CNTN4: variants seen among roughly 807,000 people sequenced by gnomAD.
CNTN4 encodes contactin-4.
A neutral mutation model predicts 122.5 loss-of-function variants in CNTN4; 77 were observed. The observed-to-expected ratio is 0.63, with a 90% CI of 0.52 to 0.76. CNTN4 has a LOEUF of 0.76. Ranked by LOEUF, CNTN4 falls within the 30% of genes least tolerant of loss-of-function variation. The pLI is 0.00. For synonymous variants in CNTN4, 512 were observed against 447.0 expected, an observed-to-expected ratio of 1.15 and a Z score of -1.83; for missense variants, 1,256 against 1,259.1, an observed-to-expected ratio of 1.00 and a Z score of 0.04.
At chr3:2,849,997 T>A (rs1237401771) in intron 7 of CNTN4, among the ~76,000 whole-genome samples, 1 of 151,248 alleles carries the variant, frequency 6.6e-6, no homozygotes, top group East Asian at 1.9e-4. Context: ...TTTTTTTTCT[T>A]TTTTTTTTCT....
intron 13 of CNTN4, among the ~76,000 whole-genome samples, chr3:2,959,324 A>G (rs942780677): frequency 8.5e-5 from 13 of 152,186 alleles, no homozygotes; most frequent in African/African-American, 2.9e-4. Flanking sequence ...AAGGCAGTCT[A>G]TTTCCAGTTT....
chr3:2,250,843 A>G (rs756677903), intron 2 of CNTN4, among the ~76,000 whole-genome samples: 2 of 151,898 alleles, frequency 1.3e-5, no homozygotes, highest in South Asian at 2.1e-4. Context: ...AATGATCAAT[A>G]TAATACCTAG....
intron 2 of CNTN4, among the ~76,000 whole-genome samples, chr3:2,220,392 A>C (rs892004157): frequency 6.6e-6 from 1 of 152,140 alleles, no homozygotes; most frequent in African/African-American, 2.4e-5. Flanking sequence ...TACCTTATTC[A>C]TAATATGTTT....
At chr3:2,991,026 G>A (rs1695006334) in intron 14 of CNTN4, among the ~76,000 whole-genome samples, 2 of 152,138 alleles carry the variant, frequency 1.3e-5, no homozygotes, top group Admixed American at 6.5e-5. Flanking sequence ...AATATGCATT[G>A]TTATAGGAGG....
At chr3:2,980,257 T>C (rs548971022) in intron 13 of CNTN4, among the ~76,000 whole-genome samples, 32 of 152,324 alleles carry the variant, frequency 2.1e-4, no homozygotes, top group African/African-American at 6.0e-4. Flanking sequence ...CCTCTTTTCA[T>C]GTAGGGAAAA....
intron 2 of CNTN4, among the ~76,000 whole-genome samples, chr3:2,189,742 T>C (rs1004392772): frequency 1.5e-4 from 10 of 67,176 alleles, no homozygotes; most frequent in Admixed American, 7.3e-4. Flanking sequence ...TCCTATGTTA[T>C]TCATTTTTTT....
chr3:3,044,987 G>T (rs1700499060), intron 23 of CNTN4, among the ~76,000 whole-genome samples: 1 of 152,176 alleles, frequency 6.6e-6, no homozygotes, highest in South Asian at 2.1e-4. Flanking sequence ...ATGGCTCAGA[G>T]GGTCCCATGC....
chr3:2,885,964 C>T (rs1291767070), intron 9 of CNTN4, among the ~76,000 whole-genome samples: 5 of 152,154 alleles, frequency 3.3e-5, no homozygotes, highest in African/African-American at 1.2e-4. Flanking sequence ...CGTAGGACAG[C>T]TCAGGGCTGC....
At chr3:2,600,048 T>A (rs2080964238) in intron 4 of CNTN4, among the ~76,000 whole-genome samples, 1 of 140,582 alleles carries the variant, frequency 7.1e-6, no homozygotes. Flanking sequence ...CAAAACATTC[T>A]TTATTTGGTC....
intron 5 of CNTN4, among the ~76,000 whole-genome samples, chr3:2,742,433 C>T (rs1379038761): frequency 2.0e-5 from 3 of 152,134 alleles, no homozygotes; most frequent in Admixed American, 6.5e-5. Context: ...CTCACTTGGT[C>T]GGAGTACTTT....
chr3:2,253,740 C>T (rs1477879918), intron 2 of CNTN4, among the ~76,000 whole-genome samples: 1 of 151,916 alleles, frequency 6.6e-6, no homozygotes, highest in Non-Finnish European at 1.5e-5. Context: ...CTCCTGGACT[C>T]GATCTATCCT....
chr3:2,555,719 T>C (rs1015183630), intron 3 of CNTN4, among the ~76,000 whole-genome samples: 2 of 152,174 alleles, frequency 1.3e-5, no homozygotes, highest in African/African-American at 2.4e-5. Flanking sequence ...AACTCTAATA[T>C]AGATTTATGC....
At chr3:2,523,603 T>C (rs569104250) in intron 3 of CNTN4, among the ~76,000 whole-genome samples, 83 of 152,120 alleles carry the variant, frequency 5.5e-4, no homozygotes, top group African/African-American at 2.0e-3. Context: ...ACCTTGGCTT[T>C]GAACTTGAAA....
chr3:3,049,440 G>A (rs997319207), intron 23 of CNTN4, among the ~76,000 whole-genome samples: 10 of 152,108 alleles, frequency 6.6e-5, no homozygotes, highest in African/African-American at 2.4e-4. Flanking sequence ...CTAGTTTTAC[G>A]GATGAAGAGC....
chr3:2,519,022 C>T (rs929977038), intron 3 of CNTN4, among the ~76,000 whole-genome samples: 13 of 152,206 alleles, frequency 8.5e-5, no homozygotes, highest in Admixed American at 2.0e-4. Context: ...GTTATTTTAA[C>T]AAGATCTGTT....
intron 3 of CNTN4, among the ~76,000 whole-genome samples, chr3:2,527,009 A>G (rs1381012383): frequency 1.3e-5 from 2 of 152,136 alleles, no homozygotes; most frequent in Non-Finnish European, 2.9e-5. Context: ...TGGACTTTGG[A>G]TACTTTCTCA....
chr3:2,388,930 G>C (rs1027034339), intron 3 of CNTN4, among the ~76,000 whole-genome samples: 1 of 152,028 alleles, frequency 6.6e-6, no homozygotes, highest in Non-Finnish European at 1.5e-5. Context: ...GGCCGGGGTG[G>C]GTAGATCACC....
intron 3 of CNTN4, chr3:2,362,216 A>G (rs1189888727): frequency 5.7e-6 from 1 of 175,168 alleles, no homozygotes; most frequent in Non-Finnish European, 1.2e-5. Context: ...TTCTAACTTT[A>G]TTCTAACAAC....
chr3:3,046,156 T>A (rs1559831829), intron 23 of CNTN4, among the ~76,000 whole-genome samples: 1 of 152,208 alleles, frequency 6.6e-6, no homozygotes, highest in Non-Finnish European at 1.5e-5. Context: ...GTCTGATTGG[T>A]GTACCTGAAA....
Sources: gnomAD v4.1 joint callset for allele counts (sites outside exome capture counted in the v4.1 genomes callset) on GRCh38, gnomAD v4.1.1 for gene constraint, MANE v1.5 for transcripts, NCBI Gene and HGNC (gene_info 2026-07-23, HGNC 2026-07-21) for gene names.